MIB1: variants seen among roughly 807,000 people sequenced by gnomAD.
MIB1 encodes MIB E3 ubiquitin protein ligase 1.
A neutral mutation model predicts 124.5 loss-of-function variants in MIB1; 278 were observed. That is an observed-to-expected ratio of 2.23 (90% CI 2.02 to 2.47). The LOEUF is 2.47. Ranked by LOEUF, MIB1 falls within the 30% of genes most tolerant of loss-of-function variation. The pLI is 0.00. For missense variants in MIB1, 957 were observed against 1,254.4 expected, an observed-to-expected ratio of 0.76 and a Z score of 3.58; for synonymous variants, 446 against 429.4, an observed-to-expected ratio of 1.04 and a Z score of -0.48.
intron 6 of MIB1, among the ~76,000 whole-genome samples, chr18:21,789,678 G>A (rs766180044): frequency 5.9e-5 from 9 of 152,168 alleles, no homozygotes; most frequent in Non-Finnish European, 1.2e-4. Flanking sequence ...TTAGCTGAGC[G>A]TTGTGGTGCA....
At chr18:21,814,762 C>T (rs1292536075) in intron 10 of MIB1, among the ~76,000 whole-genome samples, 15 of 150,946 alleles carry the variant, frequency 9.9e-5, no homozygotes, top group African/African-American at 3.2e-4. Flanking sequence ...TTAGTAGAGA[C>T]GGGTTTTCTC....
At chr18:21,816,994 A>G (rs1482031751) in intron 11 of MIB1, among the ~76,000 whole-genome samples, 1 of 151,898 alleles carries the variant, frequency 6.6e-6, no homozygotes, top group Non-Finnish European at 1.5e-5. Context: ...GTAGAGAAAG[A>G]GTAATTGAGA....
chr18:21,738,781 T>G (rs1251093549), upstream of MIB1, among the ~76,000 whole-genome samples: 1 of 112,920 alleles, frequency 8.9e-6, no homozygotes, highest in Non-Finnish European at 1.7e-5. Flanking sequence ...CACTCCAGCC[T>G]GGGCCACAAA....
At chr18:21,849,445 T>C in intron 17 of MIB1, 57 bp downstream of exon 17, 1 of 1,051,490 alleles carries the variant, frequency 9.5e-7, no homozygotes, top group African/African-American at 1.6e-5. Flanking sequence ...CTAGAATTAA[T>C]GATAAATAAG....
rs112571128 is a variant in MIB1, at chr18:21,706,096, T to C, written n.167+973T>C. Among the ~76,000 whole-genome samples, 2 of 152,226 alleles carry C rather than the reference T, an allele frequency of 1.3e-5. 1 individual carries two copies. The highest frequency in any genetic ancestry group is 4.8e-5 in the African/African-American group (2 of 41,486). ...TGTTCTGTTTTGTTTTGTTTTGTTT[T>C]TTGAGACAGAGTTTTGCTCTTGTTG... On this transcript the variant is annotated intron_variant and non_coding_transcript_variant, in intron 1 of 20. Coordinates refer to the MIB1 transcript ENST00000578646.
chr18:21,741,510 A>G lies in MIB1; in HGVS notation c.-74A>G, dbSNP rs1368941184. Reference sequence around the variant, plus strand: ...ACGCCTAGAGTCCGGCCCGGGCCCAACTCCCTCACGGGCCCCCCGGCGGCA... The same window carrying G: ...ACGCCTAGAGTCCGGCCCGGGCCCAGCTCCCTCACGGGCCCCCCGGCGGCA... On this transcript the variant is annotated 5_prime_UTR_variant, in exon 1 of 21. Coordinates refer to ENST00000261537, the MANE Select transcript of MIB1 (RefSeq NM_020774.4). The surrounding 1 kb of genome is among the most constrained non-coding windows in gnomAD (Gnocchi z 5.4). 4.3e-6 allele frequency: 5 copies of G among 1,152,154 alleles called. No individual in the cohort carries two copies. Among genetic ancestry groups the G allele is most frequent in the Admixed American group, 4.5e-5 (1 of 22,298 alleles). The allele number at this position is 1,152,154 out of a possible 1,614,324, so 71.4% of individuals were successfully genotyped here.
In MIB1 at chr18:21,768,682, G is replaced by GT; in HGVS notation, c.462dup (p.Ala155CysfsTer21). The GT allele has an allele frequency of 1.2e-6, 2 of 1,607,770 alleles. No individual in the cohort carries two copies. Among genetic ancestry groups the GT allele is most frequent in the Non-Finnish European group, 1.7e-6 (2 of 1,176,846 alleles). On this transcript the variant is annotated frameshift_variant, in exon 3 of 21. Coordinates refer to ENST00000261537, the MANE Select transcript of MIB1 (RefSeq NM_020774.4). LOFTEE classifies it high-confidence loss of function. ...ATTACAGCCAGAGGAATCTTTGCAG[G>GT]TGCCAGAGTGGTGCGAGGAGTGGAC...
intron 1 of MIB1, among the ~76,000 whole-genome samples, chr18:21,705,681 A>G (rs76618784): frequency 6.6e-6 from 1 of 152,334 alleles, no homozygotes; most frequent in African/African-American, 2.4e-5. Context: ...AGGATTGTAA[A>G]TTAATGATGT....
At chr18:21,778,044 A>T in intron 4 of MIB1, 59 bp from the exon 5 acceptor site, 2 of 1,157,856 alleles carry the variant, frequency 1.7e-6, no homozygotes, top group Non-Finnish European at 2.6e-6. Flanking sequence ...TGCCTGTTTC[A>T]GATACTGAGC....
At chr18:21,707,518 G>C (rs1199312233) in intron 1 of MIB1, among the ~76,000 whole-genome samples, 3 of 152,076 alleles carry the variant, frequency 2.0e-5, no homozygotes, top group African/African-American at 2.4e-5. Context: ...TCATTCTTTG[G>C]GTCCACGCTG....
chr18:21,849,970 AT>A (rs1239757574), intron 17 of MIB1, among the ~76,000 whole-genome samples: 1 of 152,134 alleles, frequency 6.6e-6, no homozygotes, highest in Non-Finnish European at 1.5e-5. Flanking sequence ...TCAGCTTAAC[AT>A]TTTTGGCAAG....
At chr18:21,722,835 T>C (rs1328833646) in intron 1 of MIB1, among the ~76,000 whole-genome samples, 1 of 152,166 alleles carries the variant, frequency 6.6e-6, no homozygotes, top group Non-Finnish European at 1.5e-5. Flanking sequence ...TCACATCCTA[T>C]GAAGGTGTAC....
intron 7 of MIB1, among the ~76,000 whole-genome samples, chr18:21,792,569 C>T (rs9951940): frequency 0.014 from 2,129 of 152,110 alleles, 46 homozygotes; most frequent in African/African-American, 0.044. Context: ...GGCAGGGCTA[C>T]AATAGTGAAC....
intron 3 of MIB1, among the ~76,000 whole-genome samples, chr18:21,770,098 G>A (rs1165710386): frequency 1.3e-5 from 2 of 152,174 alleles, no homozygotes; most frequent in Middle Eastern, 3.2e-3. Flanking sequence ...CAGCTACCAG[G>A]GAGGCTGAGG....
intron 16 of MIB1, among the ~76,000 whole-genome samples, chr18:21,848,626 T>A (rs977801164): frequency 5.3e-5 from 8 of 152,192 alleles, no homozygotes; most frequent in Non-Finnish European, 1.0e-4. Context: ...TAGGTGGTCA[T>A]ATGTATTTCT....
chr18:21,786,836 A>G (rs2041441205), intron 6 of MIB1, among the ~76,000 whole-genome samples: 1 of 152,048 alleles, frequency 6.6e-6, no homozygotes, highest in Non-Finnish European at 1.5e-5. Context: ...TAAATTCCTG[A>G]ATTGGTTTTC....
intron 1 of MIB1, among the ~76,000 whole-genome samples, chr18:21,752,568 A>G (rs999529899): frequency 1.3e-5 from 2 of 152,258 alleles, no homozygotes; most frequent in African/African-American, 2.4e-5. Context: ...GGAAATACAC[A>G]TGAAACAAAA....
chr18:21,801,826 C>T (rs534495183), intron 9 of MIB1, among the ~76,000 whole-genome samples: 9 of 152,186 alleles, frequency 5.9e-5, no homozygotes, highest in East Asian at 3.9e-4. Context: ...TGATAATCTC[C>T]GTCTGAACAG....
At chr18:21,806,205 ATTT>A (rs1228812095) in intron 10 of MIB1, among the ~76,000 whole-genome samples, 2 of 138,162 alleles carry the variant, frequency 1.4e-5, no homozygotes, top group South Asian at 2.3e-4. Context: ...GCCTGGCCAG[ATTT>A]TTTTTTTTTT....
Sources: gnomAD v4.1 joint callset for allele counts (sites outside exome capture counted in the v4.1 genomes callset) on GRCh38, gnomAD v4.1.1 for gene constraint, Gnocchi (gnomAD v3.1) non-coding constraint, MANE v1.5 for transcripts, NCBI Gene and HGNC (gene_info 2026-07-23, HGNC 2026-07-21) for gene names.